Variants in CTNND2 observed in about 807,000 individuals in gnomAD.
CTNND2 encodes catenin delta-2.
A neutral mutation model predicts 144.4 loss-of-function variants in CTNND2; 22 were observed. The ratio of observed to expected loss-of-function variants is 0.15; its 90% CI spans 0.11 to 0.22. The LOEUF is 0.22. Ranked by LOEUF, CTNND2 falls within the 10% of genes least tolerant of loss-of-function variation. The pLI, the probability that CTNND2 is intolerant of heterozygous loss-of-function variation, is 1.00. For synonymous variants in CTNND2, 751 were observed against 695.6 expected, an observed-to-expected ratio of 1.08 and a Z score of -1.25; for missense variants, 1,353 against 1,618.8, an observed-to-expected ratio of 0.84 and a Z score of 2.82.
chr5:11,323,826 G>A (rs1752282136), intron 9 of CTNND2, among the ~76,000 whole-genome samples: 3 of 152,148 alleles, frequency 2.0e-5, no homozygotes, highest in Non-Finnish European at 4.4e-5. Flanking sequence ...CTGAGCAGGT[G>A]AGCAATAGGT....
At chr5:11,686,207 G>GAA (rs112168894) in intron 2 of CTNND2, among the ~76,000 whole-genome samples, 2 of 140,548 alleles carry the variant, frequency 1.4e-5, no homozygotes, top group African/African-American at 5.1e-5. Context: ...CCATGTCTCA[G>GAA]AAAAAAAAAA....
chr5:11,884,349 T>C (rs1446024980), intron 1 of CTNND2, among the ~76,000 whole-genome samples: 1 of 152,214 alleles, frequency 6.6e-6, no homozygotes, highest in African/African-American at 2.4e-5. Flanking sequence ...GAGTTAATTT[T>C]TGTATGAGGT....
chr5:10,992,486 TG>T (rs1738796403), intron 19 of CTNND2, 64 bp downstream of exon 19: 1 of 1,609,394 alleles, frequency 6.2e-7, no homozygotes, highest in Non-Finnish European at 8.5e-7. Flanking sequence ...GCTCACGGAC[TG>T]GGAAGGACCG....
intron 3 of CTNND2, among the ~76,000 whole-genome samples, chr5:11,512,276 G>A (rs772724577): frequency 2.0e-5 from 3 of 152,228 alleles, no homozygotes; most frequent in Non-Finnish European, 4.4e-5. Flanking sequence ...GACTGGTTCA[G>A]TCCTCAAATC....
intron 1 of CTNND2, among the ~76,000 whole-genome samples, chr5:11,829,532 G>T (rs532249620): frequency 6.6e-6 from 1 of 152,196 alleles, no homozygotes; most frequent in Admixed American, 6.5e-5. Flanking sequence ...AGCCCCAAGC[G>T]TTGTCAGCTT....
chr5:11,464,044 A>G (rs1766450778), intron 3 of CTNND2, among the ~76,000 whole-genome samples: 2 of 152,274 alleles, frequency 1.3e-5, no homozygotes, highest in Middle Eastern at 3.4e-3. Context: ...ATTTACTTCC[A>G]AGAGTTCATC....
intron 9 of CTNND2, among the ~76,000 whole-genome samples, chr5:11,331,595 C>G: frequency 6.6e-6 from 1 of 150,984 alleles, no homozygotes; most frequent in East Asian, 1.9e-4. Flanking sequence ...CCTCATCTTC[C>G]CTATGGAAAA....
chr5:11,060,706 A>AC (rs978954138), intron 16 of CTNND2, among the ~76,000 whole-genome samples: 16 of 152,294 alleles, frequency 1.1e-4, no homozygotes, highest in Admixed American at 3.9e-4. Context: ...TCACGTGATG[A>AC]CCTACAGTCA....
At chr5:11,558,378 G>GTGTGTGTGTA (rs1554083682) in intron 3 of CTNND2, among the ~76,000 whole-genome samples, 1 of 46,686 alleles carries the variant, frequency 2.1e-5, no homozygotes, top group Non-Finnish European at 5.6e-5. Flanking sequence ...GTGTGTGTGT[G>GTGTGTGTGTA]TGTGACACAC....
chr5:11,005,503 T>C (rs566428489), intron 18 of CTNND2, among the ~76,000 whole-genome samples: 2 of 152,106 alleles, frequency 1.3e-5, no homozygotes, highest in South Asian at 4.2e-4. Context: ...CAGATGATGA[T>C]GGAAGTAAGG....
chr5:11,573,755 C>T (rs1777760133), intron 2 of CTNND2, among the ~76,000 whole-genome samples: 1 of 152,162 alleles, frequency 6.6e-6, no homozygotes, highest in Non-Finnish European at 1.5e-5. Flanking sequence ...GAAATGGAAT[C>T]ATAAGCACCT....
At chr5:11,561,791 C>T (rs1205445009) in intron 3 of CTNND2, among the ~76,000 whole-genome samples, 1 of 152,106 alleles carries the variant, frequency 6.6e-6, no homozygotes. Context: ...CCTGTAGTCC[C>T]AGCACTTTGT....
chr5:11,483,735 G>A (rs1050604602), intron 3 of CTNND2, among the ~76,000 whole-genome samples: 1 of 152,166 alleles, frequency 6.6e-6, no homozygotes, highest in Non-Finnish European at 1.5e-5. Flanking sequence ...CTCAGAAAGT[G>A]ACAAACGAAT....
chr5:11,685,574 A>T (rs565405144), intron 2 of CTNND2, among the ~76,000 whole-genome samples: 20 of 152,308 alleles, frequency 1.3e-4, no homozygotes, highest in African/African-American at 4.6e-4. Flanking sequence ...AAACATAAGG[A>T]TTATATTATT....
chr5:11,828,443 T>C lies in CTNND2; in HGVS notation c.37+75374A>G, dbSNP rs1217219079. On this transcript the variant is annotated intron_variant, in intron 1 of 21. Transcript: ENST00000304623. ...TACTTGGGAGGCTGAAGCAGGAGAA[T>C]TGCCTGAACCCTGGAGGCAGAGGTG... is the stretch of plus-strand genomic sequence containing the variant. 2.6e-5 allele frequency among the ~76,000 whole-genome samples: 4 copies of C among 152,048 alleles called. 1 individual carries two copies. Among genetic ancestry groups the C allele is most frequent in the Non-Finnish European group, 5.9e-5 (4 of 68,002 alleles).
At chr5:11,261,277 T>C (rs527781314) in intron 9 of CTNND2, among the ~76,000 whole-genome samples, 1 of 152,298 alleles carries the variant, frequency 6.6e-6, no homozygotes, top group African/African-American at 2.4e-5. Context: ...CTAGGCCAGA[T>C]CTCTTGGTCT....
At chr5:10,995,057 C>T (rs1019511918) in intron 18 of CTNND2, among the ~76,000 whole-genome samples, 3 of 152,098 alleles carry the variant, frequency 2.0e-5, no homozygotes, top group South Asian at 2.1e-4. Context: ...CTCATGGGGA[C>T]GTATATGGTT....
intron 8 of CTNND2, among the ~76,000 whole-genome samples, chr5:11,356,313 C>T (rs1394085666): frequency 2.0e-5 from 3 of 152,026 alleles, no homozygotes; most frequent in African/African-American, 7.2e-5. Flanking sequence ...GACAAAGCTA[C>T]AGTAACCAAA....
chr5:11,446,771 T>A (rs1764840923), intron 3 of CTNND2, among the ~76,000 whole-genome samples: 1 of 151,784 alleles, frequency 6.6e-6, no homozygotes, highest in South Asian at 2.1e-4. Context: ...AGAAGATGAG[T>A]TACAGAAGGA....
Sources: allele counts gnomAD v4.1 joint callset (sites outside exome capture counted in the v4.1 genomes callset), GRCh38; gene constraint gnomAD v4.1.1; transcripts MANE v1.5; gene names NCBI Gene and HGNC (gene_info 2026-07-23, HGNC 2026-07-21).